The following ACTR6 variants were observed in gnomAD, a reference collection of about 807,000 sequenced individuals.
ACTR6 encodes actin related protein 6.
In ACTR6, 50 loss-of-function variants were observed where a neutral mutation model predicts 52.5. The ratio of observed to expected loss-of-function variants is 0.95; its 90% confidence interval spans 0.76 to 1.20. The LOEUF is 1.20. Among genes scored for constraint, ACTR6 ranks in the 50% most tolerant of loss-of-function variants. The pLI, the probability that ACTR6 is intolerant of heterozygous loss-of-function variation, is 0.00. For missense variants in ACTR6, 344 were observed against 472.4 expected, an observed-to-expected ratio of 0.73 and a Z score of 2.52; for synonymous variants, 135 against 147.2, an observed-to-expected ratio of 0.92 and a Z score of 0.60.
chr12:100,207,426 A>G (rs1007211960), intron 3 of ACTR6, among the ~76,000 whole-genome samples: 1 of 152,130 alleles, frequency 6.6e-6, no homozygotes, highest in Non-Finnish European at 1.5e-5. Flanking sequence ...ATAGTTGAGT[A>G]CATGGATTCT....
chr12:100,223,006 C>T (rs1052848378), intron 10 of ACTR6, among the ~76,000 whole-genome samples: 4 of 152,156 alleles, frequency 2.6e-5, no homozygotes, highest in African/African-American at 7.2e-5. Context: ...ATTCTAGTTC[C>T]AGACTTAACT....
chr12:100,216,738 C>G (rs1254356822), intron 8 of ACTR6, among the ~76,000 whole-genome samples: 1 of 152,122 alleles, frequency 6.6e-6, no homozygotes, highest in Non-Finnish European at 1.5e-5. Flanking sequence ...TTTGTAAATT[C>G]ATAGAAAATA....
chr12:100,205,891 C>T (rs567790038), intron 3 of ACTR6, 147 bp downstream of exon 3: 29 of 464,452 alleles, frequency 6.2e-5, no homozygotes, highest in Admixed American at 3.5e-4. Flanking sequence ...ATAAAATTTC[C>T]ATGTTGAAGT....
intron 1 of ACTR6, among the ~76,000 whole-genome samples, chr12:100,201,503 A>G (rs921651091): frequency 5.3e-5 from 8 of 152,226 alleles, no homozygotes; most frequent in African/African-American, 1.9e-4. Flanking sequence ...CCTTTCCTTT[A>G]TCAAATTAAC....
At position 100,218,380 on chromosome 12, in the gene ACTR6, T is replaced by G; in HGVS notation, c.751-35T>G. ...ATTATTAGTCATGTGAGCTAGATAA[T>G]ATAACTTAAACTTTTAATCTTCTTT... On this transcript the variant is annotated intron_variant, in intron 8 of 10. Transcript: ENST00000188312. This position sits in a 1 kb window ranked among gnomAD's most constrained non-coding sequence, Gnocchi z 4.2. The G allele has an allele frequency of 6.4e-7, 1 of 1,567,502 alleles. No individual in the cohort carries two copies. Among genetic ancestry groups the G allele is most frequent in the South Asian group, 1.1e-5 (1 of 87,276 alleles).
At chr12:100,203,043 C>T (rs2096111186) in intron 1 of ACTR6, among the ~76,000 whole-genome samples, 1 of 152,156 alleles carries the variant, frequency 6.6e-6, no homozygotes, top group Non-Finnish European at 1.5e-5. Context: ...AGTGCACAAA[C>T]TATATCCCTT....
intron 8 of ACTR6, among the ~76,000 whole-genome samples, chr12:100,215,006 C>T (rs959584652): frequency 6.6e-6 from 1 of 152,156 alleles, no homozygotes; most frequent in Non-Finnish European, 1.5e-5. Context: ...TATTTTATAG[C>T]TGATACCTTG....
At position 100,205,031 on chromosome 12, in the gene ACTR6, C is replaced by A. The variant is rs1320187643; in HGVS notation, c.160C>A (p.Leu54Ile). ...AGATGAAATAAAAGACCCTTCTGGA[C>A]TCTTTTACATCCTCCCTTTTCAAAA... ...QIDEIKDPSG[L>I]FYILPFQKGY... Residue 54 changes from leucine (L) to isoleucine (I), a missense_variant, in exon 2 of 11, where the codon CTC becomes ATC. Physicochemically the swap from Leu to Ile is conservative, Grantham distance 5. Transcript: ENST00000188312. 12 of 1,599,778 alleles carry A rather than the reference C, an allele frequency of 7.5e-6. No homozygotes were observed. The highest frequency in any genetic ancestry group is 9.4e-6 in the Non-Finnish European group (11 of 1,168,564).
chr12:100,206,672 T>G (rs2096114961), intron 3 of ACTR6, among the ~76,000 whole-genome samples: 1 of 151,646 alleles, frequency 6.6e-6, no homozygotes. Flanking sequence ...TCCTTTTTTT[T>G]TTCTTTTTTT....
At chr12:100,203,777 A>G (rs1345442662) in intron 1 of ACTR6, 2 of 150,562 alleles carry the variant, frequency 1.3e-5, no homozygotes, top group Admixed American at 1.3e-4. Flanking sequence ...CAGCCTTCCA[A>G]GTAGCTGGGA....
chr12:100,207,319 G>A (rs528801465), intron 3 of ACTR6, among the ~76,000 whole-genome samples: 83 of 151,700 alleles, frequency 5.5e-4, no homozygotes, highest in African/African-American at 1.9e-3. Flanking sequence ...ATCCTTCCAC[G>A]TCAGCCTCCC....
Position 100,218,897 on chromosome 12 carries a change from C to A in ACTR6, c.922+311C>A, listed in dbSNP as rs1352630911. On this transcript the variant is annotated intron_variant, in intron 9 of 10. Coordinates refer to ENST00000188312, the MANE Select transcript of ACTR6 (RefSeq NM_022496.5). This position sits in a 1 kb window ranked among gnomAD's most constrained non-coding sequence, Gnocchi z 4.2. ...AGTTTTAATTTAACCCAGATCTGTA[C>A]AGAATATAAATTTATAATGTAACAA... Among the ~76,000 whole-genome samples the A allele has an allele frequency of 6.6e-6, 1 of 151,942 alleles. No homozygotes were observed. The highest frequency in any genetic ancestry group is 2.4e-5 in the African/African-American group (1 of 41,368).
chr12:100,212,475 A>AT lies in ACTR6; in HGVS notation c.698dup (p.Met233IlefsTer8). 1.2e-6 allele frequency: 2 copies of AT among 1,613,888 alleles called. No homozygotes were observed. Among genetic ancestry groups the AT allele is most frequent in the Non-Finnish European group, 1.7e-6 (2 of 1,179,842 alleles). ...GTTGAAAGGAGAAGAAAATACAGTA[A>AT]TGATAGACTATGTCTTGCCTGACTT... On this transcript the variant is annotated frameshift_variant, in exon 8 of 11. Transcript: ENST00000188312. LOFTEE classifies it high-confidence loss of function.
intron 3 of ACTR6, among the ~76,000 whole-genome samples, chr12:100,206,029 T>C (rs2096114291): frequency 6.6e-6 from 1 of 152,216 alleles, no homozygotes; most frequent in South Asian, 2.1e-4. Flanking sequence ...TACATGAATA[T>C]TACAAGAGGA....
Position 100,218,534 on chromosome 12 carries a change from A to G in ACTR6, c.870A>G (p.Gln290=), listed in dbSNP as rs1323199277. 3 of 1,580,708 alleles carry G rather than the reference A, an allele frequency of 1.9e-6. No individual in the cohort carries two copies. In the African/African-American group the frequency reaches 4.1e-5, roughly 22 times the overall value. The stretch of plus-strand genomic sequence containing the variant: ...TTAATCCTTCTGATATAGGCATTCA[A>G]GAAATGGGAATTCCAGAAGCTATTG... ...ILFNPSDIGI[Q]EMGIPEAIVY... The change falls in exon 9 of 11, where the codon CAA becomes CAG. Residue 290 remains glutamine (Q), a synonymous_variant. Coordinates refer to ENST00000188312, the MANE Select transcript of ACTR6 (RefSeq NM_022496.5). This position sits in a 1 kb window ranked among gnomAD's most constrained non-coding sequence, Gnocchi z 4.2.
intron 4 of ACTR6, chr12:100,208,905 T>C (rs2096117475): frequency 2.6e-6 from 1 of 379,500 alleles, no homozygotes; most frequent in South Asian, 1.9e-5. Context: ...TGCTGCCACA[T>C]CTGGCTGATT....
chr12:100,217,091 T>A (rs1185775405), intron 8 of ACTR6, among the ~76,000 whole-genome samples: 1 of 152,188 alleles, frequency 6.6e-6, no homozygotes, highest in African/African-American at 2.4e-5. Context: ...CAGAGCCCAA[T>A]TGCATCATTA....
At chr12:100,202,095 C>A (rs2096110244) in intron 1 of ACTR6, among the ~76,000 whole-genome samples, 1 of 152,070 alleles carries the variant, frequency 6.6e-6, no homozygotes, top group Non-Finnish European at 1.5e-5. Context: ...CCACGCCTGG[C>A]TAAGTTTTGT....
chr12:100,207,649 G>A lies in ACTR6; in HGVS notation c.256-14G>A. ...TACAAATTATGAAACATTTTGGAAT[G>A]TTTTCTCCTATAGGTTGATTTTTTA... On this transcript the variant is annotated splice_polypyrimidine_tract_variant and intron_variant, in intron 3 of 10. Transcript: ENST00000188312. 7.0e-7 allele frequency: 1 copy of A among 1,436,996 alleles called. No homozygotes were observed. The highest frequency in any genetic ancestry group is 9.4e-7 in the Non-Finnish European group (1 of 1,069,144). The allele number at this position is 1,436,996 out of a possible 1,614,324, so 89.0% of individuals were successfully genotyped here. A position where few individuals can be genotyped will look rare whatever the true frequency, so the allele number is the denominator to read the frequency against.
Sources: gnomAD v4.1 joint callset for allele counts (sites outside exome capture counted in the v4.1 genomes callset) on GRCh38, gnomAD v4.1.1 for gene constraint, Gnocchi (gnomAD v3.1) non-coding constraint, MANE v1.5 for transcripts, NCBI Gene and HGNC (gene_info 2026-07-23, HGNC 2026-07-21) for gene names.